The following PRKN variants were observed in gnomAD, a reference collection of about 807,000 sequenced individuals.
PRKN encodes parkin RBR E3 ubiquitin protein ligase.
Under a neutral mutation model 59.5 loss-of-function variants are expected in PRKN, and 56 were observed. That is an observed-to-expected ratio of 0.94 (90% CI 0.76 to 1.18). PRKN has a LOEUF of 1.18. Ranked by LOEUF, PRKN falls within the 50% of genes most tolerant of loss-of-function variation. The pLI is 0.00. For missense variants in PRKN, 657 were observed against 596.4 expected (o/e 1.10, Z -1.06); for synonymous variants, 250 against 222.1 (o/e 1.13, Z -1.12).
At chr6:162,595,542 C>T (rs1285168315) in intron 1 of PRKN, among the ~76,000 whole-genome samples, 1 of 152,132 alleles carries the variant, frequency 6.6e-6, no homozygotes, top group Non-Finnish European at 1.5e-5. Flanking sequence ...AGGCGTGAGC[C>T]ACTGCGCCTG....
chr6:162,633,558 C>G (rs777328440), intron 1 of PRKN, among the ~76,000 whole-genome samples: 13 of 150,616 alleles, frequency 8.6e-5, no homozygotes, highest in Admixed American at 2.0e-4. Context: ...CAGAACTTCA[C>G]ACATTTGGCT....
rs1661382489 is a variant in PRKN at position 161,576,414 on chromosome 6, TG to T, written c.872-6999del. Among the ~76,000 whole-genome samples the T allele has an allele frequency of 1.3e-5, 2 of 152,184 alleles. No homozygotes were observed. The highest frequency in any genetic ancestry group is 4.8e-5 in the African/African-American group (2 of 41,444). Reference sequence around the variant, plus strand: ...TATACACACGGGAGAGTAACTTACATGGTTACACAAGGAGATATGGAATAGA... The same window carrying T: ...TATACACACGGGAGAGTAACTTACATGTTACACAAGGAGATATGGAATAGA... On this transcript the variant is annotated intron_variant, in intron 7 of 11. Coordinates refer to ENST00000366898, the MANE Select transcript of PRKN (RefSeq NM_004562.3). The surrounding 1 kb of genome is among the most constrained non-coding windows in gnomAD (Gnocchi z 4.6).
chr6:161,706,282 T>C (rs1562621419), intron 7 of PRKN, among the ~76,000 whole-genome samples: 1 of 152,238 alleles, frequency 6.6e-6, no homozygotes, highest in Non-Finnish European at 1.5e-5. Context: ...AGCATAGCTT[T>C]GCCCATGCAA....
At chr6:162,302,963 T>TAC (rs71004084) in intron 2 of PRKN, among the ~76,000 whole-genome samples, 14,904 of 139,298 alleles carry the variant, frequency 0.11, 874 homozygotes, top group African/African-American at 0.15. Flanking sequence ...GCCTTAAACA[T>TAC]ACACACACAC....
Position 161,463,041 on chromosome 6 carries a change from A to G in PRKN, c.1084-76164T>C, listed in dbSNP as rs971089472. Among the ~76,000 whole-genome samples, 4 of 152,234 alleles carry G rather than the reference A, an allele frequency of 2.6e-5. No homozygotes were observed. The highest frequency in any genetic ancestry group is 9.7e-5 in the African/African-American group (4 of 41,444). ...GAAAGTCAGAGAGATAAATACTTAC[A>G]TAAATACTAAATAGAGAAAAAACTA... On this transcript the variant is annotated intron_variant, in intron 9 of 11. Transcript: ENST00000366898. This position sits in a 1 kb window ranked among gnomAD's most constrained non-coding sequence, Gnocchi z 4.8.
intron 2 of PRKN, among the ~76,000 whole-genome samples, chr6:162,379,689 C>G (rs569062104): frequency 5.9e-5 from 9 of 152,248 alleles, no homozygotes; most frequent in African/African-American, 2.2e-4. Flanking sequence ...CAGAGCTAGG[C>G]AGGTTTCCTT....
In PRKN at chr6:161,356,279, G is replaced by C. The variant is rs759477957; in HGVS notation, c.1285+3809C>G. ...AACAGGAGGGCAGGGGTCTTTGGCAGGGTGGTAAGGGGCGGTCTGACTGAG... is the reference window on the plus strand; with the variant it reads ...AACAGGAGGGCAGGGGTCTTTGGCACGGTGGTAAGGGGCGGTCTGACTGAG... On this transcript the variant is annotated intron_variant, in intron 11 of 11. Transcript: ENST00000366898. This position sits in a 1 kb window ranked among gnomAD's most constrained non-coding sequence, Gnocchi z 7.8. 2.0e-5 allele frequency among the ~76,000 whole-genome samples: 3 copies of C among 152,216 alleles called. No individual in the cohort carries two copies. The highest frequency in any genetic ancestry group is 4.4e-5 in the Non-Finnish European group (3 of 68,034).
intron 6 of PRKN, among the ~76,000 whole-genome samples, chr6:161,813,240 C>T (rs1356424155): frequency 1.3e-5 from 2 of 152,138 alleles, no homozygotes; most frequent in Non-Finnish European, 2.9e-5. Context: ...ATGAACTTCT[C>T]ATCATCCTGG....
chr6:162,634,555 T>C lies in PRKN; in HGVS notation c.7+93107A>G, dbSNP rs563137539. On this transcript the variant is annotated intron_variant, in intron 1 of 11. Transcript: ENST00000366898. Reference sequence around the variant, plus strand: ...CACTTCTTCAGGCAGAGCTTTGATGTCTTATTTAGCTTGTATCACCAGCCA... The same window carrying C: ...CACTTCTTCAGGCAGAGCTTTGATGCCTTATTTAGCTTGTATCACCAGCCA... Among the ~76,000 whole-genome samples, 4 of 152,296 alleles carry C rather than the reference T, an allele frequency of 2.6e-5. No individual in the cohort carries two copies. The South Asian group carries it at 8.3e-4, about 32-fold the overall frequency.
At position 161,390,858 on chromosome 6, in the gene PRKN, G is replaced by A. The variant is rs1786473917; in HGVS notation, c.1084-3981C>T. On this transcript the variant is annotated intron_variant, in intron 9 of 11. Coordinates refer to ENST00000366898, the MANE Select transcript of PRKN (RefSeq NM_004562.3). The surrounding 1 kb of genome is among the most constrained non-coding windows in gnomAD (Gnocchi z 7.0). ...TCCATTTGTGTGAATTATCATTTCA[G>A]ATAACTATTAAGTCGTTATGACATT... Among the ~76,000 whole-genome samples the A allele has an allele frequency of 6.6e-6, 1 of 152,098 alleles. No individual in the cohort carries two copies. The highest frequency in any genetic ancestry group is 2.1e-4 in the South Asian group (1 of 4,832).
At chr6:162,441,039 A>T (rs1790023981) in intron 2 of PRKN, among the ~76,000 whole-genome samples, 1 of 152,222 alleles carries the variant, frequency 6.6e-6, no homozygotes, top group East Asian at 1.9e-4. Context: ...TAAATCATTT[A>T]ACTGTGATTT....
rs117440729 is a variant in PRKN at position 161,436,983 on chromosome 6, A to G, written c.1084-50106T>C. Among the ~76,000 whole-genome samples the G allele has an allele frequency of 7.9e-3, 1,208 of 152,210 alleles. 14 individuals carry two copies. The highest frequency in any genetic ancestry group is 0.061 in the East Asian group (318 of 5,172). On this transcript the variant is annotated intron_variant, in intron 9 of 11. Transcript: ENST00000366898. ...TAACAACTAGGATGCTTCTGTTACC[A>G]TCACAGTCACCCCCATTATCCAAGG...
At chr6:161,794,022 T>C (rs957583072) in intron 6 of PRKN, among the ~76,000 whole-genome samples, 9 of 152,158 alleles carry the variant, frequency 5.9e-5, no homozygotes, top group Non-Finnish European at 1.3e-4. Flanking sequence ...CGGCACTCTG[T>C]GGACCCTCCT....
chr6:161,652,690 T>G lies in PRKN; in HGVS notation c.872-83274A>C, dbSNP rs111544250. ...GTAGATATAAAGAAGTAAAACATGATATATGATTCTAATGGAGAAGATAAT... is the reference window on the plus strand; with the variant it reads ...GTAGATATAAAGAAGTAAAACATGAGATATGATTCTAATGGAGAAGATAAT... On this transcript the variant is annotated intron_variant, in intron 7 of 11. Coordinates refer to ENST00000366898, the MANE Select transcript of PRKN (RefSeq NM_004562.3). Among the ~76,000 whole-genome samples, 953 of 152,310 alleles carry G rather than the reference T, an allele frequency of 6.3e-3. 6 individuals carry two copies. The highest frequency in any genetic ancestry group is 0.022 in the African/African-American group (911 of 41,568).
At chr6:162,246,136 A>G (rs1480360268) in intron 3 of PRKN, among the ~76,000 whole-genome samples, 1 of 146,186 alleles carries the variant, frequency 6.8e-6, no homozygotes, top group Non-Finnish European at 1.6e-5. Flanking sequence ...TGCAGGCTGA[A>G]TTACGTCAAA....
At chr6:162,407,597 A>G (rs1215506127) in intron 2 of PRKN, among the ~76,000 whole-genome samples, 1 of 152,194 alleles carries the variant, frequency 6.6e-6, no homozygotes, top group Non-Finnish European at 1.5e-5. Flanking sequence ...ACTGTCTTCC[A>G]TGTAATTGTC....
chr6:161,556,071 C>T lies in PRKN; in HGVS notation c.934-7068G>A, dbSNP rs576622334. ...TCGGAAGAAGTTAATGTATGGACAA[C>T]GTCCAATAACAATTTAGAAATTCTT... is the stretch of plus-strand genomic sequence containing the variant. On this transcript the variant is annotated intron_variant, in intron 8 of 11. Coordinates refer to ENST00000366898, the MANE Select transcript of PRKN (RefSeq NM_004562.3). Among the ~76,000 whole-genome samples the T allele has an allele frequency of 2.9e-4, 44 of 152,254 alleles. 1 individual carries two copies. The highest frequency in any genetic ancestry group is 1.0e-3 in the African/African-American group (42 of 41,556).
At chr6:161,493,594 T>C (rs559030295) in intron 9 of PRKN, among the ~76,000 whole-genome samples, 2 of 152,276 alleles carry the variant, frequency 1.3e-5, no homozygotes, top group East Asian at 1.9e-4. Context: ...CGCCTGAATA[T>C]GTGGCAATGA....
chr6:161,386,766 T>C lies in PRKN; in HGVS notation c.1167+28A>G, dbSNP rs1163161094. 1.3e-6 allele frequency: 2 copies of C among 1,547,732 alleles called. No individual in the cohort carries two copies. Among genetic ancestry groups the C allele is most frequent in the Admixed American group, 1.7e-5 (1 of 59,928 alleles). ...TCCCCCACTGTATCCGGAGCCCTGC[T>C]TGGAGGAATGAGTAGGGCATTCTGT... On this transcript the variant is annotated intron_variant, in intron 10 of 11. Transcript: ENST00000366898. The surrounding 1 kb of genome is among the most constrained non-coding windows in gnomAD (Gnocchi z 4.3).
Sources: allele counts gnomAD v4.1 joint callset (sites outside exome capture counted in the v4.1 genomes callset), GRCh38; gene constraint gnomAD v4.1.1; non-coding constraint Gnocchi (gnomAD v3.1); transcripts MANE v1.5; gene names NCBI Gene and HGNC (gene_info 2026-07-23, HGNC 2026-07-21).